The following CNTN5 variants were observed in gnomAD, a reference collection of about 807,000 sequenced individuals.
CNTN5 encodes the protein contactin 5.
Under a neutral mutation model 129.1 loss-of-function variants are expected in CNTN5, and 77 were observed. The observed-to-expected ratio is 0.60, with a 90% CI of 0.50 to 0.72. CNTN5 has a LOEUF of 0.72. Among genes scored for constraint, CNTN5 ranks in the 30% least tolerant of loss-of-function variants. CNTN5 has a pLI of 0.00. For missense variants in CNTN5, 1,478 were observed against 1,328.8 expected, an observed-to-expected ratio of 1.11 and a Z score of -1.75; for synonymous variants, 509 against 465.6, an observed-to-expected ratio of 1.09 and a Z score of -1.20.
At chr11:99,662,671 C>T (rs1277618982) in intron 3 of CNTN5, among the ~76,000 whole-genome samples, 1 of 152,170 alleles carries the variant, frequency 6.6e-6, no homozygotes, top group Non-Finnish European at 1.5e-5. Flanking sequence ...TATTTAGCAT[C>T]ATTATATTCT....
At chr11:100,287,512 T>C (rs1317238646) in intron 18 of CNTN5, among the ~76,000 whole-genome samples, 1 of 150,426 alleles carries the variant, frequency 6.6e-6, no homozygotes, top group Non-Finnish European at 1.5e-5. Context: ...AAACTAAGCT[T>C]CATAAGTGAA....
intron 13 of CNTN5, among the ~76,000 whole-genome samples, chr11:100,162,525 A>T (rs1947490777): frequency 6.6e-6 from 1 of 151,864 alleles, no homozygotes; most frequent in Non-Finnish European, 1.5e-5. Context: ...ATTAACATCC[A>T]TTGATTTTGA....
intron 1 of CNTN5, among the ~76,000 whole-genome samples, chr11:99,132,283 C>A (rs1044517614): frequency 6.6e-6 from 1 of 151,972 alleles, no homozygotes; most frequent in African/African-American, 2.4e-5. Flanking sequence ...TATGACAAAT[C>A]CAGATCCAAT....
chr11:99,136,783 TG>T (rs5793973), intron 1 of CNTN5, among the ~76,000 whole-genome samples: 136,924 of 152,056 alleles, frequency 0.9, 61,858 homozygotes, highest in East Asian at 0.99. Context: ...GGACATGGGT[TG>T]TTTTAATGGA....
chr11:99,245,189 T>G (rs1240251497), intron 1 of CNTN5, among the ~76,000 whole-genome samples: 1 of 152,236 alleles, frequency 6.6e-6, no homozygotes, highest in African/African-American at 2.4e-5. Context: ...ATGGTCGTTC[T>G]TTGAATGTGT....
intron 6 of CNTN5, among the ~76,000 whole-genome samples, chr11:99,902,436 A>C (rs879820671): frequency 6.6e-6 from 1 of 152,088 alleles, no homozygotes; most frequent in Admixed American, 6.6e-5. Flanking sequence ...ACTATTTGGG[A>C]TGCCCTTCAG....
rs753357501 is a variant in CNTN5 at position 99,819,690 on chromosome 11, A to C, written c.202A>C (p.Ser68Arg). 1.2e-6 allele frequency: 2 copies of C among 1,612,820 alleles called. No homozygotes were observed. The highest frequency in any genetic ancestry group is 1.7e-6 in the Non-Finnish European group (2 of 1,179,838). The change falls in exon 4 of 25, where the codon AGC becomes CGC. Residue 68 changes from serine to arginine, a missense_variant. By Grantham distance (110) the Ser-to-Arg change is moderately radical. Coordinates refer to ENST00000524871, the MANE Select transcript of CNTN5 (RefSeq NM_014361.4). ...AGGAACACTGAGTGCTTCTTCACCC[A>C]GCTGGCTAGGGGCAGCTCAGAATTA... is the stretch of plus-strand genomic sequence containing the variant. ...SLGTLSASSPSWLGAAQNYYS... is the reference protein window; with the variant it reads ...SLGTLSASSPRWLGAAQNYYS...
At chr11:99,254,987 A>G (rs930297924) in intron 1 of CNTN5, among the ~76,000 whole-genome samples, 13 of 151,990 alleles carry the variant, frequency 8.6e-5, no homozygotes, top group Admixed American at 7.9e-4. Context: ...ATGTTTTCTT[A>G]ATGAGGTTTA....
chr11:100,307,316 G>T (rs1364321922), intron 20 of CNTN5, among the ~76,000 whole-genome samples: 1 of 151,542 alleles, frequency 6.6e-6, no homozygotes. Flanking sequence ...ATTTTTATGG[G>T]GTAGAATTTT....
intron 3 of CNTN5, among the ~76,000 whole-genome samples, chr11:99,677,402 T>C (rs1034309743): frequency 2.0e-5 from 3 of 152,120 alleles, no homozygotes; most frequent in African/African-American, 7.2e-5. Context: ...TAACTAACAA[T>C]GGAACATTTT....
At chr11:99,909,218 AT>A (rs1949589885) in intron 6 of CNTN5, among the ~76,000 whole-genome samples, 1 of 152,138 alleles carries the variant, frequency 6.6e-6, no homozygotes, top group Admixed American at 6.6e-5. Flanking sequence ...GATAACAAAT[AT>A]TTAAAAGAAT....
intron 6 of CNTN5, among the ~76,000 whole-genome samples, chr11:99,874,753 C>T (rs1206346083): frequency 1.3e-5 from 2 of 152,124 alleles, no homozygotes; most frequent in Admixed American, 6.5e-5. Context: ...TGAAGATGAA[C>T]AATTTACTTG....
chr11:100,271,968 C>A (rs1471373931), intron 18 of CNTN5, among the ~76,000 whole-genome samples: 1 of 152,064 alleles, frequency 6.6e-6, no homozygotes, highest in Non-Finnish European at 1.5e-5. Context: ...TCATTGAGGT[C>A]TTTTATGTCC....
intron 2 of CNTN5, among the ~76,000 whole-genome samples, chr11:99,501,175 C>G (rs895228914): frequency 1.1e-4 from 17 of 152,180 alleles, no homozygotes; most frequent in Middle Eastern, 3.4e-3. Flanking sequence ...GTTGAATCAC[C>G]TATGCTGTTC....
chr11:99,093,783 G>A (rs911249132), intron 1 of CNTN5, among the ~76,000 whole-genome samples: 1 of 151,820 alleles, frequency 6.6e-6, no homozygotes, highest in African/African-American at 2.4e-5. Flanking sequence ...CACCAAATGA[G>A]GCGAGTTAGG....
intron 9 of CNTN5, among the ~76,000 whole-genome samples, chr11:100,022,813 C>G (rs1941229034): frequency 6.6e-6 from 1 of 152,138 alleles, no homozygotes; most frequent in Non-Finnish European, 1.5e-5. Flanking sequence ...AGACCAATAT[C>G]TTCTTCCTTC....
chr11:99,026,442 G>C (rs1443021378), intron 1 of CNTN5, among the ~76,000 whole-genome samples: 1 of 151,608 alleles, frequency 6.6e-6, no homozygotes, highest in South Asian at 2.1e-4. Flanking sequence ...GCATTGATAA[G>C]AGAATTGAAA....
intron 7 of CNTN5, among the ~76,000 whole-genome samples, chr11:99,926,307 TAAG>T (rs1161579571): frequency 6.6e-6 from 1 of 152,092 alleles, no homozygotes; most frequent in Non-Finnish European, 1.5e-5. Context: ...TCTCAGAGTT[TAAG>T]AAGGGGAAGG....
At chr11:99,670,497 G>T (rs1227207478) in intron 3 of CNTN5, among the ~76,000 whole-genome samples, 1 of 152,122 alleles carries the variant, frequency 6.6e-6, no homozygotes, top group Non-Finnish European at 1.5e-5. Context: ...GCAGCCAGGG[G>T]ATTAGACTGA....
Sources: gnomAD v4.1 joint callset for allele counts (sites outside exome capture counted in the v4.1 genomes callset) on GRCh38, gnomAD v4.1.1 for gene constraint, MANE v1.5 for transcripts, NCBI Gene and HGNC (gene_info 2026-07-23, HGNC 2026-07-21) for gene names.